The following SNX8 variants were observed in gnomAD, a reference collection of about 807,000 sequenced individuals.
SNX8 encodes sorting nexin-8.
Under a neutral mutation model 51.6 loss-of-function variants are expected in SNX8, and 25 were observed. That is an observed-to-expected ratio of 0.48 (90% CI 0.35 to 0.68). The LOEUF is 0.68. SNX8 is among the 30% of genes least tolerant of loss of function. The probability of loss-of-function intolerance (pLI) is 0.00; values close to 1 mark genes in which losing one functional copy is unlikely to be tolerated. For missense variants in SNX8, 695 were observed against 624.0 expected (o/e 1.11, Z -1.21); for synonymous variants, 324 against 277.0 (o/e 1.17, Z -1.68).
intron 1 of SNX8, chr7:2,288,302 A>G (rs1167605224): frequency 6.6e-6 from 1 of 152,046 alleles, no homozygotes; most frequent in Non-Finnish European, 1.5e-5. Context: ...GTGAGCCGAG[A>G]TCGCACCACT....
chr7:2,311,939 G>GAA (rs1249272578), intron 1 of SNX8, among the ~76,000 whole-genome samples: 3 of 133,254 alleles, frequency 2.3e-5, no homozygotes, highest in East Asian at 4.3e-4. Context: ...TCCGTCTCAA[G>GAA]AAAAAAAAAA....
chr7:2,347,460 G>A (rs73275098), intron 1 of SNX8, among the ~76,000 whole-genome samples: 51,025 of 127,922 alleles, frequency 0.4, 10,151 homozygotes, highest in East Asian at 0.66. Flanking sequence ...CAGCTTGGGC[G>A]ACAGAGCAAG....
intron 1 of SNX8, chr7:2,287,828 T>TA: frequency 6.6e-6 from 1 of 151,582 alleles, no homozygotes; most frequent in East Asian, 1.9e-4. Flanking sequence ...CTCATGCCTG[T>TA]AATCCCAACA....
chr7:2,335,283 C>G (rs887012613), intron 1 of SNX8, among the ~76,000 whole-genome samples: 6 of 152,120 alleles, frequency 3.9e-5, no homozygotes, highest in African/African-American at 1.4e-4. Flanking sequence ...TTGTTCTATG[C>G]TCATACAATG....
chr7:2,253,644 A>C lies in SNX8; in HGVS notation c.*1412T>G, dbSNP rs752045663. The C allele has an allele frequency of 3.3e-3, 510 of 152,782 alleles. 3 individuals are homozygous for C. Among genetic ancestry groups the C allele is most frequent in the Non-Finnish European group, 5.7e-3 (389 of 68,514 alleles). The allele number at this position is 152,782 out of a possible 1,614,324, so 9.5% of individuals were successfully genotyped here. The stretch of plus-strand genomic sequence containing the variant: ...CACAGGGCAGGGCAGGCTGGGCCCG[A>C]GCCCCACAGCCACCGAGTCAGCACA... On this transcript the variant is annotated 3_prime_UTR_variant, in exon 11 of 11. Transcript: ENST00000222990.
At chr7:2,318,553 G>C (rs545211107), upstream of SNX8, among the ~76,000 whole-genome samples, 89 of 145,882 alleles carry the variant, frequency 6.1e-4, no homozygotes, top group Middle Eastern at 4.0e-3. Context: ...AAAATTAGCT[G>C]GGCATGGTGG....
chr7:2,264,285 A>G lies in SNX8; in HGVS notation c.782+13T>C. ...ACCGCGCGTGCCCCTGCAGAAGCTG[A>G]AAGGTCACCTACCTTAGCTCCTTCC... On this transcript the variant is annotated intron_variant, in intron 6 of 10. Coordinates refer to ENST00000222990, the MANE Select transcript of SNX8 (RefSeq NM_013321.4). 1.2e-6 allele frequency: 2 copies of G among 1,602,288 alleles called. No homozygotes were observed. The highest frequency in any genetic ancestry group is 1.1e-5 in the South Asian group (1 of 90,886).
Position 2,332,134 on chromosome 7 carries a change from G to A in SNX8, c.-66+22088C>T, listed in dbSNP as rs73275084. Among the ~76,000 whole-genome samples, 1,356 of 151,380 alleles carry A rather than the reference G, an allele frequency of 9.0e-3. 16 individuals are homozygous for A. The highest frequency in any genetic ancestry group is 0.032 in the African/African-American group (1,299 of 41,234). ...AGGTGGGAGGATCGCTTGAGCCTCG[G>A]AAGCAAAGGTTGCAGTGAACCAAGA... On this transcript the variant is annotated intron_variant, in intron 1 of 5. Coordinates refer to the SNX8 transcript ENST00000435336.
At chr7:2,314,030 TGA>T (rs1287126955) in intron 1 of SNX8, among the ~76,000 whole-genome samples, 6 of 152,264 alleles carry the variant, frequency 3.9e-5, no homozygotes, top group Admixed American at 3.9e-4. Flanking sequence ...AGGACGCCTC[TGA>T]GAGCCCCGGG....
At chr7:2,257,176 G>A (rs1202160685) in intron 9 of SNX8, among the ~76,000 whole-genome samples, 153 bp from the exon 10 acceptor site, 1 of 152,242 alleles carries the variant, frequency 6.6e-6, no homozygotes, top group Non-Finnish European at 1.5e-5. Context: ...GAGGGCCGGG[G>A]AGGGAGCACC....
At chr7:2,283,079 C>CCA (rs1209737843) in intron 1 of SNX8, among the ~76,000 whole-genome samples, 1 of 151,968 alleles carries the variant, frequency 6.6e-6, no homozygotes, top group Non-Finnish European at 1.5e-5. Flanking sequence ...AGAGATCGCG[C>CCA]CACTGCACTC....
chr7:2,319,103 C>T (rs1796796396), upstream of SNX8, among the ~76,000 whole-genome samples: 2 of 151,836 alleles, frequency 1.3e-5, no homozygotes, highest in African/African-American at 4.8e-5. Flanking sequence ...CTTTGGGAGG[C>T]CGAGACCAGC....
intron 7 of SNX8, among the ~76,000 whole-genome samples, chr7:2,260,437 C>T (rs1252493694): frequency 1.3e-5 from 2 of 152,130 alleles, no homozygotes; most frequent in Non-Finnish European, 2.9e-5. Flanking sequence ...CAAAGCTGTC[C>T]TGGGCCACAC....
rs1361525270 is a variant in SNX8 at position 2,275,074 on chromosome 7, C to G, written c.418+38G>C. On this transcript the variant is annotated intron_variant, in intron 3 of 10. Coordinates refer to ENST00000222990, the MANE Select transcript of SNX8 (RefSeq NM_013321.4). The stretch of plus-strand genomic sequence containing the variant: ...CCACAGGGTCCAGGAGATGGGCTCG[C>G]TCCCTCCGCCCCCGGTGGGCAGCAC... 3.5e-6 allele frequency: 5 copies of G among 1,421,036 alleles called. No homozygotes were observed. In the East Asian group the frequency reaches 1.1e-4, roughly 32 times the overall value. The allele number at this position is 1,421,036 out of a possible 1,614,324, so 88.0% of individuals were successfully genotyped here.
chr7:2,265,035 AAAAC>A (rs200006828), intron 5 of SNX8, among the ~76,000 whole-genome samples: 2,993 of 152,232 alleles, frequency 0.02, 37 homozygotes, highest in South Asian at 0.042. Context: ...ACTCTGTCTC[AAAAC>A]AAACAAACCA....
chr7:2,314,261 C>G (rs920449515), intron 1 of SNX8, 67 bp downstream of exon 1: 24 of 1,210,978 alleles, frequency 2.0e-5, no homozygotes, highest in East Asian at 1.0e-4. Flanking sequence ...GGCTGAGCCC[C>G]GTCCGCCGGG....
chr7:2,271,842 A>G lies in SNX8; in HGVS notation c.540+8T>C. On this transcript the variant is annotated splice_region_variant and intron_variant, in intron 4 of 10. Coordinates refer to ENST00000222990, the MANE Select transcript of SNX8 (RefSeq NM_013321.4). ...GGGCCGGGACATGGGCAGGGCAGACACACTCACCGAGCCGCTGAAGGACAG... is the reference window on the plus strand; with the variant it reads ...GGGCCGGGACATGGGCAGGGCAGACGCACTCACCGAGCCGCTGAAGGACAG... The G allele has an allele frequency of 6.3e-7, 1 of 1,597,990 alleles. No individual in the cohort carries two copies. Among genetic ancestry groups the G allele is most frequent in the South Asian group, 1.1e-5 (1 of 88,968 alleles).
chr7:2,302,013 C>CAGGCAGA (rs2115185937), intron 1 of SNX8, among the ~76,000 whole-genome samples: 1 of 152,246 alleles, frequency 6.6e-6, no homozygotes, highest in Non-Finnish European at 1.5e-5. Context: ...GAGGCCGAGG[C>CAGGCAGA]AGGCAGATCA....
chr7:2,275,364 C>A (rs547220259), intron 2 of SNX8, 135 bp from the exon 3 acceptor site: 234 of 697,110 alleles, frequency 3.4e-4, no homozygotes, highest in Non-Finnish European at 5.8e-4. Flanking sequence ...ATGGAGAAAC[C>A]CTGTGACGGC....
Sources: gnomAD v4.1 joint callset for allele counts (sites outside exome capture counted in the v4.1 genomes callset) on GRCh38, gnomAD v4.1.1 for gene constraint, MANE v1.5 for transcripts, NCBI Gene and HGNC (gene_info 2026-07-23, HGNC 2026-07-21) for gene names.